Variants in RFX3 observed in about 807,000 individuals in gnomAD.
The protein encoded by RFX3 is transcription factor RFX3.
In RFX3, 14 loss-of-function variants were observed where a neutral mutation model predicts 98.6. That is an observed-to-expected ratio of 0.14 (90% CI 0.09 to 0.22). RFX3 has a LOEUF of 0.22. Among genes scored for constraint, RFX3 ranks in the 10% least tolerant of loss-of-function variants. The probability of loss-of-function intolerance (pLI) is 1.00; values close to 1 mark genes in which losing one functional copy is unlikely to be tolerated. For missense variants in RFX3, 639 were observed against 926.9 expected (o/e 0.69, Z 4.03); for synonymous variants, 383 against 328.4 (o/e 1.17, Z -1.80).
At chr9:3,419,015 C>A (rs1258147541) in intron 1 of RFX3, among the ~76,000 whole-genome samples, 1 of 152,096 alleles carries the variant, frequency 6.6e-6, no homozygotes, top group African/African-American at 2.4e-5. Flanking sequence ...CTCCATTCAA[C>A]CAGAATTTAT....
chr9:3,493,112 T>C (rs1781847448), intron 1 of RFX3, among the ~76,000 whole-genome samples: 1 of 152,176 alleles, frequency 6.6e-6, no homozygotes, highest in African/African-American at 2.4e-5. Flanking sequence ...TCTAACCTGT[T>C]GTAGGCTCTT....
intron 15 of RFX3, among the ~76,000 whole-genome samples, chr9:3,234,277 C>T (rs1818849196): frequency 1.3e-5 from 2 of 152,168 alleles, no homozygotes; most frequent in African/African-American, 4.8e-5. Context: ...TCAACCCTAC[C>T]AGTGTAGTGC....
At chr9:3,301,734 TG>T in intron 4 of RFX3, 114 bp from the exon 5 acceptor site, 1 of 661,652 alleles carries the variant, frequency 1.5e-6, no homozygotes, top group South Asian at 2.3e-5. Flanking sequence ...CGGTCGTTAA[TG>T]AACAGTTGCC....
Position 3,271,006 on chromosome 9 carries a change from G to C in RFX3, c.1199C>G (p.Ser400Trp), listed in dbSNP as rs537638899. 6.2e-7 allele frequency: 1 copy of C among 1,613,436 alleles called. No individual in the cohort carries two copies. Among genetic ancestry groups the C allele is most frequent in the Middle Eastern group, 1.6e-4 (1 of 6,082 alleles). Residue 400 changes from serine (S) to tryptophan (W), a missense_variant, in exon 10 of 17, where the codon TCG becomes TGG. Physicochemically the swap from Ser to Trp is radical, Grantham distance 177. This residue lies in a region of RFX3 where 30 missense variants were observed against 23.0 expected (regional missense o/e 1.30). Transcript: ENST00000617270. ...TGGAAAAGATGTTGATTCTGACCTC[G>C]ATTCGGTAATGGTAGTGCCATCAGT... ...TPTDGTTITE[S>W]SNLSEIESRL...
intron 2 of RFX3, among the ~76,000 whole-genome samples, chr9:3,383,650 G>A (rs114724937): frequency 4.6e-5 from 7 of 152,034 alleles, no homozygotes; most frequent in Non-Finnish European, 8.8e-5. Context: ...GCTCCAGTTT[G>A]CTTTAAATAG....
chr9:3,412,749 CTT>C (rs1364720484), intron 1 of RFX3, among the ~76,000 whole-genome samples: 1 of 152,036 alleles, frequency 6.6e-6, no homozygotes, highest in Non-Finnish European at 1.5e-5. Flanking sequence ...GAAAGGGAAA[CTT>C]ATAACTAGCT....
At chr9:3,323,789 C>A (rs1831575271) in intron 4 of RFX3, among the ~76,000 whole-genome samples, 1 of 152,142 alleles carries the variant, frequency 6.6e-6, no homozygotes, top group African/African-American at 2.4e-5. Flanking sequence ...ATGAAGGATG[C>A]TGTGATTCTC....
intron 1 of RFX3, chr9:3,452,204 T>A (rs1195383865): frequency 6.3e-6 from 1 of 159,608 alleles, no homozygotes; most frequent in African/African-American, 2.4e-5. Flanking sequence ...TTCTCCAGCC[T>A]TCTCTAGCTT....
chr9:3,371,575 A>G (rs566800362), intron 2 of RFX3, among the ~76,000 whole-genome samples: 53 of 152,318 alleles, frequency 3.5e-4, no homozygotes, highest in Admixed American at 1.5e-3. Flanking sequence ...TTTAAATTAT[A>G]TAAGACTTCT....
intron 1 of RFX3, among the ~76,000 whole-genome samples, chr9:3,505,305 T>TA (rs1302347934): frequency 4.1e-4 from 41 of 99,386 alleles, no homozygotes; most frequent in African/African-American, 1.0e-3. Flanking sequence ...TATATATATA[T>TA]AAATATATAT....
intron 1 of RFX3, among the ~76,000 whole-genome samples, chr9:3,408,151 C>G (rs182319166): frequency 2.0e-5 from 3 of 152,150 alleles, no homozygotes; most frequent in Non-Finnish European, 4.4e-5. Context: ...GGGGTTGTTG[C>G]TCCCTGACCT....
intron 1 of RFX3, among the ~76,000 whole-genome samples, chr9:3,499,168 T>C (rs1337258176): frequency 1.3e-5 from 2 of 152,108 alleles, no homozygotes; most frequent in African/African-American, 4.8e-5. Context: ...ATCCCAAGTT[T>C]TTATTTTCAT....
intron 1 of RFX3, among the ~76,000 whole-genome samples, chr9:3,477,051 A>G (rs1849330405): frequency 6.6e-6 from 1 of 152,182 alleles, no homozygotes; most frequent in Admixed American, 6.5e-5. Context: ...TTCAAAATTT[A>G]TGTAATAATT....
At chr9:3,488,036 T>G (rs554301932) in intron 1 of RFX3, among the ~76,000 whole-genome samples, 1 of 152,168 alleles carries the variant, frequency 6.6e-6, no homozygotes, top group African/African-American at 2.4e-5. Flanking sequence ...ATAATTACTG[T>G]TCTATAGGCT....
intron 2 of RFX3, among the ~76,000 whole-genome samples, chr9:3,375,211 T>C (rs1009662310): frequency 6.6e-6 from 1 of 152,216 alleles, no homozygotes; most frequent in African/African-American, 2.4e-5. Context: ...TCCAAAGCTG[T>C]CATCTCCACT....
intron 3 of RFX3, among the ~76,000 whole-genome samples, chr9:3,340,670 C>T (rs552035819): frequency 2.9e-3 from 441 of 152,252 alleles, no homozygotes; most frequent in African/African-American, 9.9e-3. Flanking sequence ...TCATCACTGG[C>T]CATCAGAGAA....
chr9:3,487,315 G>C (rs1276159414), intron 1 of RFX3, among the ~76,000 whole-genome samples: 1 of 152,176 alleles, frequency 6.6e-6, no homozygotes, highest in Non-Finnish European at 1.5e-5. Flanking sequence ...TTAAGCCCAA[G>C]ACATGCTATG....
At chr9:3,327,283 T>C (rs969037414) in intron 4 of RFX3, among the ~76,000 whole-genome samples, 1 of 152,168 alleles carries the variant, frequency 6.6e-6, no homozygotes, top group Non-Finnish European at 1.5e-5. Flanking sequence ...AGGCACATGA[T>C]ATGAAATCTT....
intron 12 of RFX3, among the ~76,000 whole-genome samples, chr9:3,264,219 T>G (rs1427244326): frequency 1.3e-5 from 2 of 152,206 alleles, no homozygotes; most frequent in Non-Finnish European, 2.9e-5. Context: ...AATGTCTACA[T>G]GAAATCTAAA....
Sources: allele counts gnomAD v4.1 joint callset (sites outside exome capture counted in the v4.1 genomes callset), GRCh38; gene constraint gnomAD v4.1.1; regional missense constraint gnomAD v4.1.1; transcripts MANE v1.5; gene names NCBI Gene and HGNC (gene_info 2026-07-23, HGNC 2026-07-21).